The following TUSC3 variants were observed in gnomAD, a reference collection of about 807,000 sequenced individuals.
The protein encoded by TUSC3 is dolichyl-diphosphooligosaccharide--protein glycosyltransferase subunit TUSC3.
Under a neutral mutation model 44.8 loss-of-function variants are expected in TUSC3, and 45 were observed. The ratio of observed to expected loss-of-function variants is 1.00; its 90% CI spans 0.79 to 1.29. The LOEUF is 1.29. Among genes scored for constraint, TUSC3 ranks in the 50% most tolerant of loss-of-function variants. The pLI, the probability that TUSC3 is intolerant of heterozygous loss-of-function variation, is 0.00. For synonymous variants in TUSC3, 212 were observed against 152.9 expected (o/e 1.39, Z -2.85); for missense variants, 519 against 437.9 (o/e 1.19, Z -1.65).
intron 2 of TUSC3, among the ~76,000 whole-genome samples, chr8:15,648,296 T>C (rs953399031): frequency 9.2e-5 from 14 of 152,200 alleles, no homozygotes; most frequent in African/African-American, 2.9e-4. Flanking sequence ...TTATATGATA[T>C]TGTTTTTGTT....
chr8:15,428,935 A>T (rs1799838012), intron 1 of TUSC3, among the ~76,000 whole-genome samples: 1 of 152,022 alleles, frequency 6.6e-6, no homozygotes, highest in Admixed American at 6.6e-5. Context: ...GTTCACTCTG[A>T]TGGTGGTTGC....
chr8:15,578,747 G>A (rs1002030654), intron 1 of TUSC3, among the ~76,000 whole-genome samples: 2 of 152,038 alleles, frequency 1.3e-5, no homozygotes, highest in African/African-American at 4.8e-5. Context: ...TTGCATCAAT[G>A]TTCATCAAGG....
chr8:15,513,308 C>A (rs1345453881), intron 2 of TUSC3, among the ~76,000 whole-genome samples: 1 of 151,990 alleles, frequency 6.6e-6, no homozygotes, highest in Non-Finnish European at 1.5e-5. Context: ...AAAAAACTTA[C>A]TCATAAAAAA....
At chr8:15,596,475 G>C (rs1048101676) in intron 1 of TUSC3, among the ~76,000 whole-genome samples, 1 of 152,020 alleles carries the variant, frequency 6.6e-6, no homozygotes. Flanking sequence ...TGCATGTTCC[G>C]CAAGACCAAC....
At chr8:15,499,054 C>A (rs1005607408) in intron 2 of TUSC3, among the ~76,000 whole-genome samples, 30 of 151,270 alleles carry the variant, frequency 2.0e-4, no homozygotes, top group African/African-American at 7.3e-4. Flanking sequence ...TCTCTCCATT[C>A]TTCTCCAACT....
At chr8:15,534,140 G>A (rs1021749415) in intron 2 of TUSC3, among the ~76,000 whole-genome samples, 1 of 151,890 alleles carries the variant, frequency 6.6e-6, no homozygotes, top group Non-Finnish European at 1.5e-5. Flanking sequence ...AGTGAGTTTG[G>A]GGCCTCAAGA....
intron 10 of TUSC3, among the ~76,000 whole-genome samples, chr8:15,761,225 C>G (rs896269809): frequency 2.6e-5 from 4 of 152,116 alleles, no homozygotes; most frequent in African/African-American, 7.2e-5. Context: ...CTTAGCAAAT[C>G]AAAGACAGCA....
the TUSC3 span, among the ~76,000 whole-genome samples, chr8:15,809,368 T>C: frequency 6.6e-6 from 1 of 152,198 alleles, no homozygotes; most frequent in Non-Finnish European, 1.5e-5. Context: ...ATCTCACTGC[T>C]CTATAATTAT....
intron 3 of TUSC3, among the ~76,000 whole-genome samples, chr8:15,659,151 C>G (rs572893117): frequency 5.9e-5 from 9 of 152,230 alleles, no homozygotes; most frequent in East Asian, 1.9e-4. Context: ...TAAAATAATT[C>G]ATGTACTGCC....
intron 2 of TUSC3, among the ~76,000 whole-genome samples, chr8:15,641,007 G>A (rs1282428438): frequency 1.3e-5 from 2 of 152,072 alleles, no homozygotes; most frequent in Non-Finnish European, 2.9e-5. Flanking sequence ...ATACCTCTTT[G>A]CCATGTATAC....
At position 15,601,985 on chromosome 8, in the gene TUSC3, T is replaced by C. The variant is rs141757697; in HGVS notation, c.139-21095T>C. On this transcript the variant is annotated intron_variant, in intron 1 of 10. Coordinates refer to ENST00000503731, the MANE Select transcript of TUSC3 (RefSeq NM_006765.4). ...ATTTATTTGTACATTATAATTTGTA[T>C]CAATTGAGCATCCCTGATCTAAAAA... Among the ~76,000 whole-genome samples the C allele has an allele frequency of 3.0e-3, 449 of 151,658 alleles. 2 individuals are homozygous for C. Among genetic ancestry groups the C allele is most frequent in the African/African-American group, 0.011 (438 of 41,464 alleles).
At chr8:15,793,425 CTTA>C in the TUSC3 span, among the ~76,000 whole-genome samples, 1 of 151,862 alleles carries the variant, frequency 6.6e-6, no homozygotes, top group Non-Finnish European at 1.5e-5. Context: ...CTTTGCACTT[CTTA>C]TTTCTTCTGC....
intron 6 of TUSC3, among the ~76,000 whole-genome samples, chr8:15,713,550 A>G (rs1020253657): frequency 1.3e-5 from 2 of 152,086 alleles, no homozygotes; most frequent in Non-Finnish European, 2.9e-5. Flanking sequence ...AACAACAGAA[A>G]ATGTATTTGC....
intron 1 of TUSC3, among the ~76,000 whole-genome samples, chr8:15,578,024 C>CA (rs1230733191): frequency 2.7e-5 from 4 of 149,864 alleles, no homozygotes; most frequent in African/African-American, 9.8e-5. Context: ...TGAAGAGGTC[C>CA]TTCACATCCC....
At chr8:15,536,270 G>A (rs1801520427), upstream of TUSC3, among the ~76,000 whole-genome samples, 1 of 152,190 alleles carries the variant, frequency 6.6e-6, no homozygotes, top group Non-Finnish European at 1.5e-5. Context: ...TTGCCAGGTA[G>A]AAGGTAATGT....
chr8:15,731,440 A>T (rs572419252), intron 7 of TUSC3, among the ~76,000 whole-genome samples: 7 of 152,278 alleles, frequency 4.6e-5, no homozygotes, highest in Non-Finnish European at 8.8e-5. Flanking sequence ...GGTTACTAAG[A>T]TTCATATTCA....
chr8:15,443,336 TTGTGTGTGTGTG>T lies in TUSC3; in HGVS notation n.91+26065_91+26076del, dbSNP rs57905950. ...GGTATACAACACCACACCCACCTAA[TTGTGTGTGTGTG>T]TGTGTGTGTGTGTGTGTGTGTGTGT... On this transcript the variant is annotated intron_variant and non_coding_transcript_variant, in intron 1 of 5. Coordinates refer to the TUSC3 transcript ENST00000503191. Among the ~76,000 whole-genome samples, 1,284 of 132,974 alleles carry T rather than the reference TTGTGTGTGTGTG, an allele frequency of 9.7e-3. 16 individuals carry two copies. The highest frequency in any genetic ancestry group is 0.024 in the African/African-American group (840 of 34,602). 87.2% of individuals were successfully genotyped at this position (132,974 alleles called of 152,430 possible).
rs1406377811 is a variant in TUSC3 at position 15,653,145 on chromosome 8, T to C, written c.426+2331T>C. ...AAGAAACAAAATTGCCAGAACACCA[T>C]GCATCTGATCCTTGGTGTCATTGTT... On this transcript the variant is annotated intron_variant, in intron 3 of 10. Coordinates refer to ENST00000503731, the MANE Select transcript of TUSC3 (RefSeq NM_006765.4). 2.0e-5 allele frequency among the ~76,000 whole-genome samples: 3 copies of C among 152,274 alleles called. No homozygotes were observed. The East Asian group carries it at 5.8e-4, about 29-fold the overall frequency.
chr8:15,786,089 A>G, the TUSC3 span, among the ~76,000 whole-genome samples: 2 of 152,320 alleles, frequency 1.3e-5, no homozygotes, highest in East Asian at 3.9e-4. Context: ...AATTTTGTAT[A>G]CAATAGAATT....
Sources: allele counts gnomAD v4.1 joint callset (sites outside exome capture counted in the v4.1 genomes callset), GRCh38; gene constraint gnomAD v4.1.1; transcripts MANE v1.5; gene names NCBI Gene and HGNC (gene_info 2026-07-23, HGNC 2026-07-21).